Variants in PYROXD1 observed in about 807,000 individuals in gnomAD.
PYROXD1 encodes the protein pyridine nucleotide-disulphide oxidoreductase domain 1, also known as tRNA ligase complex-associated NAD(P)H dehydrogenase PYROXD1.
PYROXD1 carries 42 observed loss-of-function variants against 62.0 expected under a neutral mutation model. The observed-to-expected ratio is 0.68, with a 90% CI of 0.53 to 0.88. PYROXD1 has a LOEUF of 0.88. Among genes scored for constraint, PYROXD1 ranks in the 40% least tolerant of loss-of-function variants. The pLI, the probability that PYROXD1 is intolerant of heterozygous loss-of-function variation, is 0.00. For synonymous variants in PYROXD1, 170 were observed against 206.4 expected, an observed-to-expected ratio of 0.82 and a Z score of 1.51; for missense variants, 493 against 604.8, an observed-to-expected ratio of 0.82 and a Z score of 1.94.
chr12:21,439,909 G>C lies in PYROXD1; in HGVS notation c.85-459G>C, dbSNP rs180764066. Among the ~76,000 whole-genome samples the C allele has an allele frequency of 1.1e-4, 16 of 152,272 alleles. No homozygotes were observed. In the East Asian group the frequency reaches 3.1e-3, roughly 29 times the overall value. ...GCAGAATAGGAGTGCCAGAGCACCT[G>C]GGGAAAGTTAGACCAATATTCTAAG... On this transcript the variant is annotated intron_variant, in intron 1 of 11. Transcript: ENST00000240651.
At position 21,445,384 on chromosome 12, in the gene PYROXD1, A is replaced by C; in HGVS notation, c.203A>C (p.Gln68Pro). 6.2e-7 allele frequency: 1 copy of C among 1,606,030 alleles called. No individual in the cohort carries two copies. Among genetic ancestry groups the C allele is most frequent in the Non-Finnish European group, 8.5e-7 (1 of 1,177,608 alleles). Reference sequence around the variant, plus strand: ...TTGGAAGAATTCGATGTTGAAGAACAATCAAGTACCATGTTAGGAAAACGC... The same window carrying C: ...TTGGAAGAATTCGATGTTGAAGAACCATCAAGTACCATGTTAGGAAAACGC... The part of the protein sequence containing the change: ...KILEEFDVEE[Q>P]SSTMLGKRFP... The change falls in exon 3 of 12, where the codon CAA (glutamine) becomes CCA (proline). Residue 68 changes from glutamine to proline, a missense_variant. By Grantham distance (76) the Gln-to-Pro change is moderately conservative. Coordinates refer to ENST00000240651, the MANE Select transcript of PYROXD1 (RefSeq NM_024854.5).
intron 3 of PYROXD1, among the ~76,000 whole-genome samples, chr12:21,448,997 TA>T (rs941417302): frequency 2.1e-4 from 31 of 151,152 alleles, no homozygotes; most frequent in South Asian, 2.1e-4. Flanking sequence ...ATATAAGTAC[TA>T]TTTTTTTTAA....
At chr12:21,459,830 T>C (rs1259535585) in intron 7 of PYROXD1, among the ~76,000 whole-genome samples, 1 of 152,212 alleles carries the variant, frequency 6.6e-6, no homozygotes, top group Admixed American at 6.5e-5. Flanking sequence ...TTTTTTCCTA[T>C]ATCCTCAGAT....
In PYROXD1 at chr12:21,440,368, T is replaced by C; in HGVS notation, c.85T>C (p.Leu29=). The C allele has an allele frequency of 6.4e-7, 1 of 1,570,952 alleles. No homozygotes were observed. Among genetic ancestry groups the C allele is most frequent in the South Asian group, 1.2e-5 (1 of 86,098 alleles). The change falls in exon 2 of 12, where the codon TTG becomes CTG. Residue 29 remains leucine, a splice_region_variant and synonymous_variant. Transcript: ENST00000240651. ...GIAGVTCAEQ[L]ATHFPSEDIL... ...TTTTTTCTCTCTTTTTAAAAATAAG[T>C]TGGCTACTCACTTTCCATCGGAAGA...
chr12:21,439,182 T>A lies in PYROXD1; in HGVS notation c.85-1186T>A, dbSNP rs117595237. On this transcript the variant is annotated intron_variant, in intron 1 of 11. Transcript: ENST00000240651. ...AAGGAGTCTTAGCATGCTGAGAACT[T>A]AACAAGAATTTACAAGTAGTCAAAT... Among the ~76,000 whole-genome samples the A allele has an allele frequency of 4.7e-3, 719 of 152,292 alleles. 4 individuals carry two copies. Among genetic ancestry groups the A allele is most frequent in the Middle Eastern group, 0.027 (8 of 294 alleles).
chr12:21,470,044 G>C lies in PYROXD1; in HGVS notation c.*1290G>C. On this transcript the variant is annotated 3_prime_UTR_variant, in exon 12 of 12. Transcript: ENST00000240651. ...CTCTAATTTTCAAACATTCTCAAAA[G>C]TTTAGATCTTCAGAGATAAGCTCTG... 2 of 745,596 alleles carry C rather than the reference G, an allele frequency of 2.7e-6. No individual in the cohort carries two copies. Among genetic ancestry groups the C allele is most frequent in the Non-Finnish European group, 4.0e-6 (2 of 503,344 alleles). The allele number at this position is 745,596 out of a possible 1,614,324, so 46.2% of individuals were successfully genotyped here. A position where few individuals can be genotyped will look rare whatever the true frequency, so the allele number is the denominator to read the frequency against.
At chr12:21,440,084 A>T (rs1013524758) in intron 1 of PYROXD1, among the ~76,000 whole-genome samples, 1 of 152,214 alleles carries the variant, frequency 6.6e-6, no homozygotes, top group African/African-American at 2.4e-5. Flanking sequence ...TATAAAAAAT[A>T]GTTGAAGTAA....
chr12:21,437,811 G>A lies in PYROXD1; in HGVS notation c.81G>A (p.Glu27=). 1 of 1,612,184 alleles carries A rather than the reference G, an allele frequency of 6.2e-7. No homozygotes were observed. The highest frequency in any genetic ancestry group is 8.5e-7 in the Non-Finnish European group (1 of 1,179,444). The change falls in exon 1 of 12, where the codon GAG becomes GAA. Residue 27 remains glutamate (E), a synonymous_variant. Coordinates refer to ENST00000240651, the MANE Select transcript of PYROXD1 (RefSeq NM_024854.5). ...GCATCGCGGGCGTCACTTGTGCGGA[G>A]CAGGTAGGGCGGTGCTCAGGCGGTT... The part of the protein sequence containing the change: ...GGGIAGVTCA[E]QLATHFPSED...
At chr12:21,444,077 G>A (rs576005812) in intron 2 of PYROXD1, among the ~76,000 whole-genome samples, 4 of 152,160 alleles carry the variant, frequency 2.6e-5, no homozygotes, top group Admixed American at 6.6e-5. Context: ...AGTTTTTGCC[G>A]GTTTTGTAAG....
In PYROXD1 at chr12:21,469,221, T is replaced by C. The variant is rs1942864864; in HGVS notation, c.*467T>C. 6.3e-6 allele frequency: 1 copy of C among 157,610 alleles called. No homozygotes were observed. The highest frequency in any genetic ancestry group is 1.9e-4 in the South Asian group (1 of 5,312). 9.8% of individuals were successfully genotyped at this position (157,610 alleles called of 1,614,324 possible). On this transcript the variant is annotated 3_prime_UTR_variant, in exon 12 of 12. Coordinates refer to ENST00000240651, the MANE Select transcript of PYROXD1 (RefSeq NM_024854.5). ...AATATTTATATTGATGACTTACTCC[T>C]TTTTTGTTGAATTGTACTTCTGGTT... is the stretch of plus-strand genomic sequence containing the variant.
rs2192183 is a variant in PYROXD1 at position 21,455,109 on chromosome 12, A to G, written c.489-23A>G. The G allele has an allele frequency of 0.49, 646,879 of 1,330,082 alleles. 158,398 individuals are homozygous for G. Among genetic ancestry groups the G allele is most frequent in the Middle Eastern group, 0.54 (1,908 of 3,502 alleles). The allele number at this position is 1,330,082 out of a possible 1,614,324, so 82.4% of individuals were successfully genotyped here. On this transcript the variant is annotated intron_variant, in intron 5 of 11. Coordinates refer to ENST00000240651, the MANE Select transcript of PYROXD1 (RefSeq NM_024854.5). ...TACTTAGACTTTTGAAATCACTCTT[A>G]GTAACTTTAACATTGTTTTTAGGTA...
Position 21,452,172 on chromosome 12 carries a change from A to C in PYROXD1, c.488+18A>C, listed in dbSNP as rs1240907730. On this transcript the variant is annotated intron_variant, in intron 5 of 11. Transcript: ENST00000240651. The stretch of plus-strand genomic sequence containing the variant: ...GAGTTAGTGTAAGTATATATTTTTA[A>C]ATATGATAACATTTAAATTGTTTAA... 3.6e-6 allele frequency: 5 copies of C among 1,403,840 alleles called. No individual in the cohort carries two copies. Among genetic ancestry groups the C allele is most frequent in the Non-Finnish European group, 4.8e-6 (5 of 1,045,738 alleles). The allele number at this position is 1,403,840 out of a possible 1,614,324, so 87.0% of individuals were successfully genotyped here.
In PYROXD1 at chr12:21,470,361, A is replaced by C. The variant is rs1565560193; in HGVS notation, c.*1607A>C. On this transcript the variant is annotated 3_prime_UTR_variant, in exon 12 of 12. Transcript: ENST00000240651. The stretch of plus-strand genomic sequence containing the variant: ...GACGATTCAGCCTACAAAAAAAAAA[A>C]AAAAACAAAGCAAGCACCTTGGTAA... The C allele has an allele frequency of 3.2e-6, 5 of 1,539,464 alleles. No individual in the cohort carries two copies. Among genetic ancestry groups the C allele is most frequent in the Middle Eastern group, 1.7e-4 (1 of 5,726 alleles).
Position 21,470,564 on chromosome 12 carries a change from G to A in PYROXD1, c.*1810G>A, listed in dbSNP as rs1055740150. On this transcript the variant is annotated 3_prime_UTR_variant, in exon 12 of 12. Transcript: ENST00000240651. Reference sequence around the variant, plus strand: ...GAGAGAAGTTCTAAAGACCTCAAATGTCCTTAGACACAATGGCACTTGACT... The same window carrying A: ...GAGAGAAGTTCTAAAGACCTCAAATATCCTTAGACACAATGGCACTTGACT... The A allele has an allele frequency of 2.7e-5, 16 of 587,446 alleles. No homozygotes were observed. The highest frequency in any genetic ancestry group is 4.2e-5 in the Non-Finnish European group (16 of 381,100). The allele number at this position is 587,446 out of a possible 1,614,324, so 36.4% of individuals were successfully genotyped here.
In PYROXD1 at chr12:21,468,572, AC is replaced by A. The variant is rs770182464; in HGVS notation, c.1323del (p.Gly443AspfsTer14). On this transcript the variant is annotated frameshift_variant, in exon 12 of 12. Transcript: ENST00000240651. LOFTEE classifies it high-confidence loss of function. ...AGATCATGAATTAATGCTGAGATGT[AC>A]CAAAGGACGAGAATACATCAAAGTC... Reference protein sequence around the residue: ...GSDHELMLRCTKGREYIKVVM... With the variant: ...GSDHELMLRCXKGREYIKVVM... 3.1e-6 allele frequency: 5 copies of A among 1,612,922 alleles called. No homozygotes were observed. The highest frequency in any genetic ancestry group is 4.2e-6 in the Non-Finnish European group (5 of 1,179,338).
intron 5 of PYROXD1, among the ~76,000 whole-genome samples, chr12:21,453,496 TATC>T (rs894517916): frequency 6.8e-5 from 9 of 131,514 alleles, no homozygotes; most frequent in African/African-American, 2.5e-4. Context: ...TTTCAGTTAT[TATC>T]TGTTTTCTCC....
At chr12:21,464,284 A>G (rs1942751508) in intron 10 of PYROXD1, among the ~76,000 whole-genome samples, 2 of 152,176 alleles carry the variant, frequency 1.3e-5, no homozygotes, top group African/African-American at 4.8e-5. Context: ...TTACACAAGC[A>G]ATAAGGATAC....
intron 10 of PYROXD1, among the ~76,000 whole-genome samples, chr12:21,464,825 C>T: frequency 6.6e-6 from 1 of 152,028 alleles, no homozygotes; most frequent in East Asian, 1.9e-4. Flanking sequence ...TGCTGCACCC[C>T]CACCCCACAA....
chr12:21,469,091 C>A lies in PYROXD1; in HGVS notation c.*337C>A. ...ACTTAGCCAAATGTACTCTAGTAGA[C>A]TAGAACCATTCTTTGTGAAATGTCA... On this transcript the variant is annotated 3_prime_UTR_variant, in exon 12 of 12. Coordinates refer to ENST00000240651, the MANE Select transcript of PYROXD1 (RefSeq NM_024854.5). 5.2e-6 allele frequency: 1 copy of A among 191,872 alleles called. No individual in the cohort carries two copies. Among genetic ancestry groups the A allele is most frequent in the Non-Finnish European group, 1.1e-5 (1 of 92,370 alleles). 11.9% of individuals were successfully genotyped at this position (191,872 alleles called of 1,614,324 possible).
Sources: gnomAD v4.1 joint callset for allele counts (sites outside exome capture counted in the v4.1 genomes callset) on GRCh38, gnomAD v4.1.1 for gene constraint, MANE v1.5 for transcripts, NCBI Gene and HGNC (gene_info 2026-07-23, HGNC 2026-07-21) for gene names.